The following DOLPP1 variants were observed in gnomAD, a reference collection of about 807,000 sequenced individuals.
DOLPP1 encodes dolichyl pyrophosphate phosphatase 1.
Under a neutral mutation model 34.1 loss-of-function variants are expected in DOLPP1, and 15 were observed. That is an observed-to-expected ratio of 0.44 (90% CI 0.29 to 0.68). The LOEUF is 0.68. Among genes scored for constraint, DOLPP1 ranks in the 30% least tolerant of loss-of-function variants. The pLI, the probability that DOLPP1 is intolerant of heterozygous loss-of-function variation, is 0.12. For synonymous variants in DOLPP1, 130 were observed against 128.2 expected, an observed-to-expected ratio of 1.01 and a Z score of -0.10; for missense variants, 249 against 307.1, an observed-to-expected ratio of 0.81 and a Z score of 1.41.
At chr9:129,082,153 C>T (rs537465856) in intron 1 of DOLPP1, among the ~76,000 whole-genome samples, 57 of 152,282 alleles carry the variant, frequency 3.7e-4, no homozygotes, top group Non-Finnish European at 2.9e-5. Context: ...AGGCTGGAGC[C>T]CCTCATTGAG....
chr9:129,084,099 C>T (rs1343758534), intron 1 of DOLPP1, among the ~76,000 whole-genome samples: 3 of 152,194 alleles, frequency 2.0e-5, no homozygotes, highest in East Asian at 1.9e-4. Flanking sequence ...GGTTTCTGTC[C>T]GAGTCTTCAG....
chr9:129,082,698 CA>C (rs1846912155), intron 1 of DOLPP1, among the ~76,000 whole-genome samples: 1 of 152,214 alleles, frequency 6.6e-6, no homozygotes, highest in African/African-American at 2.4e-5. Flanking sequence ...TTAATGCTTC[CA>C]TGGTTCCCTG....
At chr9:129,084,145 C>T (rs1047556107) in intron 1 of DOLPP1, among the ~76,000 whole-genome samples, 1 of 152,204 alleles carries the variant, frequency 6.6e-6, no homozygotes, top group African/African-American at 2.4e-5. Flanking sequence ...CAGAGAACGT[C>T]GGATTTCCCT....
At chr9:129,083,877 G>A (rs1408802431) in intron 1 of DOLPP1, among the ~76,000 whole-genome samples, 1 of 152,194 alleles carries the variant, frequency 6.6e-6, no homozygotes, top group Admixed American at 6.5e-5. Context: ...CTACATAGCT[G>A]CCTGTCTCAA....
rs371025397 is a variant in DOLPP1, at chr9:129,088,936, A to G, written c.681-35A>G. 6 of 1,611,908 alleles carry G rather than the reference A, an allele frequency of 3.7e-6. No homozygotes were observed. The East Asian group carries it at 1.3e-4, about 36-fold the overall frequency. On this transcript the variant is annotated intron_variant, in intron 7 of 7. Transcript: ENST00000372546. The stretch of plus-strand genomic sequence containing the variant: ...ACAGCTGTAGGTCACTGAACACCAG[A>G]TGTCTCCACATCTGACCCCCATCCT...
At position 129,085,824 on chromosome 9, in the gene DOLPP1, A is replaced by G. The variant is rs1269599937; in HGVS notation, c.461+208A>G. 6.6e-6 allele frequency among the ~76,000 whole-genome samples: 1 copy of G among 152,130 alleles called. No homozygotes were observed. Among genetic ancestry groups the G allele is most frequent in the Non-Finnish European group, 1.5e-5 (1 of 68,018 alleles). ...CACTGAGCCCAAGATTCTGGGACCA[A>G]CTCCACGTATCAGCCATCTCTTCCC... On this transcript the variant is annotated intron_variant, in intron 5 of 7. Transcript: ENST00000372546. The surrounding 1 kb of genome is among the most constrained non-coding windows in gnomAD (Gnocchi z 7.0).
chr9:129,087,300 C>G (rs931306197), intron 7 of DOLPP1, among the ~76,000 whole-genome samples: 13 of 149,244 alleles, frequency 8.7e-5, no homozygotes, highest in Non-Finnish European at 1.8e-4. Flanking sequence ...AGTGGGAAGG[C>G]TGGCTTTTCT....
chr9:129,086,645 G>C, intron 6 of DOLPP1, 64 bp from the exon 7 acceptor site: 1 of 1,519,702 alleles, frequency 6.6e-7, no homozygotes, highest in Non-Finnish European at 9.1e-7. Flanking sequence ...TGGTGGGGAT[G>C]GCTGGCATGG....
chr9:129,090,379 T>A lies in DOLPP1; in HGVS notation c.*1372T>A, dbSNP rs1190506349. On this transcript the variant is annotated 3_prime_UTR_variant, in exon 8 of 8. Coordinates refer to ENST00000372546, the MANE Select transcript of DOLPP1 (RefSeq NM_020438.5). ...CAAGCCGAGTATGAGGTGGTTTGAT[T>A]TAAGAAAAATCAATGAAATTGTTTA... The A allele has an allele frequency of 6.6e-6, 1 of 152,616 alleles. No individual in the cohort carries two copies. Among genetic ancestry groups the A allele is most frequent in the African/African-American group, 2.4e-5 (1 of 41,424 alleles). 9.5% of individuals were successfully genotyped at this position (152,616 alleles called of 1,614,324 possible).
At position 129,089,118 on chromosome 9, in the gene DOLPP1, C is replaced by A; in HGVS notation, c.*111C>A. ...AGAGACCTCTACAGACCCAAGTCAC[C>A]AAGTGGAGCCTTTTTTTTTCTTATT... On this transcript the variant is annotated 3_prime_UTR_variant, in exon 8 of 8. Transcript: ENST00000372546. The surrounding 1 kb of genome is among the most constrained non-coding windows in gnomAD (Gnocchi z 4.9). The A allele has an allele frequency of 1.9e-6, 2 of 1,038,592 alleles. No individual in the cohort carries two copies. Among genetic ancestry groups the A allele is most frequent in the Non-Finnish European group, 2.9e-6 (2 of 694,434 alleles). The allele number at this position is 1,038,592 out of a possible 1,614,324, so 64.3% of individuals were successfully genotyped here.
At position 129,085,704 on chromosome 9, in the gene DOLPP1, T is replaced by G. The variant is rs945219393; in HGVS notation, c.461+88T>G. The stretch of plus-strand genomic sequence containing the variant: ...CCCTGTCGGACCCCACCATGGACCC[T>G]AGTCCCAGAACCTGTAGTGCAGGAC... On this transcript the variant is annotated intron_variant, in intron 5 of 7. Coordinates refer to ENST00000372546, the MANE Select transcript of DOLPP1 (RefSeq NM_020438.5). This position sits in a 1 kb window ranked among gnomAD's most constrained non-coding sequence, Gnocchi z 7.0. 1.9e-6 allele frequency: 2 copies of G among 1,058,942 alleles called. No individual in the cohort carries two copies. The highest frequency in any genetic ancestry group is 1.4e-6 in the Non-Finnish European group (1 of 726,946). 65.6% of individuals were successfully genotyped at this position (1,058,942 alleles called of 1,614,324 possible).
chr9:129,082,635 G>C (rs1354605162), intron 1 of DOLPP1, among the ~76,000 whole-genome samples: 1 of 152,202 alleles, frequency 6.6e-6, no homozygotes, highest in Non-Finnish European at 1.5e-5. Flanking sequence ...GCATGATACA[G>C]GCTGTGATGG....
chr9:129,084,819 C>A, intron 2 of DOLPP1, 51 bp downstream of exon 2: 1 of 1,429,608 alleles, frequency 7.0e-7, no homozygotes, highest in Non-Finnish European at 9.8e-7. Context: ...GTGCCCCCAC[C>A]CTGCTTTGGG....
intron 1 of DOLPP1, among the ~76,000 whole-genome samples, chr9:129,082,607 G>T (rs1448526105): frequency 6.6e-6 from 1 of 152,164 alleles, no homozygotes; most frequent in African/African-American, 2.4e-5. Flanking sequence ...GAAGGAACCT[G>T]GCAGGCAGTT....
chr9:129,081,142 A>G lies in DOLPP1; in HGVS notation c.11A>G (p.Asp4Gly). Reference sequence around the variant, plus strand: ...CGGTCTCCGGGTAAGATGGCAGCGGACGGACAGTGCTCGCTCCCCGCTTCA... The same window carrying G: ...CGGTCTCCGGGTAAGATGGCAGCGGGCGGACAGTGCTCGCTCCCCGCTTCA... MAA[D>G]GQCSLPASWR... Residue 4 changes from aspartate to glycine, a missense_variant, in exon 1 of 8, where the codon GAC becomes GGC. By Grantham distance (94) the Asp-to-Gly change is moderately conservative. Coordinates refer to ENST00000372546, the MANE Select transcript of DOLPP1 (RefSeq NM_020438.5). 6.2e-7 allele frequency: 1 copy of G among 1,609,070 alleles called. No individual in the cohort carries two copies. The highest frequency in any genetic ancestry group is 8.5e-7 in the Non-Finnish European group (1 of 1,179,328).
chr9:129,087,043 A>G (rs1847003188), intron 7 of DOLPP1, among the ~76,000 whole-genome samples: 1 of 152,246 alleles, frequency 6.6e-6, no homozygotes, highest in African/African-American at 2.4e-5. Flanking sequence ...TGTCTGGCCC[A>G]GGGCCCATGC....
At chr9:129,088,927 G>T in intron 7 of DOLPP1, 44 bp from the exon 8 acceptor site, 1 of 1,609,054 alleles carries the variant, frequency 6.2e-7, no homozygotes, top group South Asian at 1.1e-5. Context: ...GTAGGTCACT[G>T]AACACCAGAT....
At position 129,090,302 on chromosome 9, in the gene DOLPP1, C is replaced by T. The variant is rs935465758; in HGVS notation, c.*1295C>T. On this transcript the variant is annotated 3_prime_UTR_variant, in exon 8 of 8. Coordinates refer to ENST00000372546, the MANE Select transcript of DOLPP1 (RefSeq NM_020438.5). ...GGGCTTATTTCTAGGGAAGGTAGGTCGGTTTCCATGTTTCCCTCCCGTTAT... is the reference window on the plus strand; with the variant it reads ...GGGCTTATTTCTAGGGAAGGTAGGTTGGTTTCCATGTTTCCCTCCCGTTAT... 4 of 152,604 alleles carry T rather than the reference C, an allele frequency of 2.6e-5. No homozygotes were observed. The highest frequency in any genetic ancestry group is 4.4e-5 in the Non-Finnish European group (3 of 68,032). The allele number at this position is 152,604 out of a possible 1,614,324, so 9.5% of individuals were successfully genotyped here.
intron 1 of DOLPP1, among the ~76,000 whole-genome samples, chr9:129,084,267 G>A (rs957149033): frequency 4.6e-5 from 7 of 152,332 alleles, no homozygotes; most frequent in Non-Finnish European, 1.0e-4. Context: ...ACCAGGCCGG[G>A]TTCACCTTCC....
Sources: allele counts gnomAD v4.1 joint callset (sites outside exome capture counted in the v4.1 genomes callset), GRCh38; gene constraint gnomAD v4.1.1; non-coding constraint Gnocchi (gnomAD v3.1); transcripts MANE v1.5; gene names NCBI Gene and HGNC (gene_info 2026-07-23, HGNC 2026-07-21).